The following GLT8D2 variants were observed in gnomAD, a reference collection of about 807,000 sequenced individuals.
GLT8D2 encodes the protein glycosyltransferase 8 domain-containing protein 2.
In GLT8D2, 45 loss-of-function variants were observed where a neutral mutation model predicts 44.5. That is an observed-to-expected ratio of 1.01 (90% CI 0.80 to 1.30). GLT8D2 has a LOEUF of 1.30. GLT8D2 is among the 50% of genes most tolerant of loss of function. The pLI, the probability that GLT8D2 is intolerant of heterozygous loss-of-function variation, is 0.00. For synonymous variants in GLT8D2, 156 were observed against 157.2 expected (o/e 0.99, Z 0.06); for missense variants, 400 against 430.4 (o/e 0.93, Z 0.62).
Position 103,993,618 on chromosome 12 carries a change from T to TA in GLT8D2, c.768-115dup. 4 of 658,110 alleles carry TA rather than the reference T, an allele frequency of 6.1e-6. No homozygotes were observed. In the South Asian group the frequency reaches 8.7e-5, roughly 14 times the overall value. 40.8% of individuals were successfully genotyped at this position (658,110 alleles called of 1,614,324 possible). ...CATTATCTCACTATGTACTAAGACT[T>TA]ATGGCCTTTCATTCTCCCCCAAATT... On this transcript the variant is annotated intron_variant, in intron 9 of 10. Transcript: ENST00000360814.
chr12:104,048,700 G>A (rs1383658403), intron 1 of GLT8D2, among the ~76,000 whole-genome samples: 3 of 152,204 alleles, frequency 2.0e-5, no homozygotes, highest in Non-Finnish European at 2.9e-5. Context: ...CCACTGGACT[G>A]TCAGAGGGAA....
intron 10 of GLT8D2, among the ~76,000 whole-genome samples, chr12:103,992,178 A>C (rs1248294802): frequency 6.6e-6 from 1 of 152,204 alleles, no homozygotes; most frequent in African/African-American, 2.4e-5. Flanking sequence ...TGTGTCCTCT[A>C]TGCTAGGCTC....
chr12:103,996,181 T>C (rs1873391193), intron 8 of GLT8D2, among the ~76,000 whole-genome samples: 1 of 152,210 alleles, frequency 6.6e-6, no homozygotes, highest in South Asian at 2.1e-4. Context: ...AGCTACCCCT[T>C]CGGTTTCAGC....
chr12:104,049,990 C>T lies in GLT8D2; in HGVS notation c.-259G>A, dbSNP rs909388839. The T allele has an allele frequency of 6.6e-6, 1 of 152,530 alleles. No homozygotes were observed. Among genetic ancestry groups the T allele is most frequent in the East Asian group, 1.9e-4 (1 of 5,214 alleles). 9.4% of individuals were successfully genotyped at this position (152,530 alleles called of 1,614,324 possible). A position where few individuals can be genotyped will look rare whatever the true frequency, so the allele number is the denominator to read the frequency against. On this transcript the variant is annotated 5_prime_UTR_variant, in exon 1 of 11. Coordinates refer to ENST00000360814, the MANE Select transcript of GLT8D2 (RefSeq NM_001384711.1). The stretch of plus-strand genomic sequence containing the variant: ...GTGGCTGGCCCTGGGCTGCCGCCCT[C>T]ACGCTGCTTCGGCTGCTTCTAAGAT...
intron 5 of GLT8D2, among the ~76,000 whole-genome samples, chr12:104,001,320 A>C (rs568464905): frequency 2.0e-5 from 3 of 152,246 alleles, no homozygotes; most frequent in Admixed American, 2.0e-4. Context: ...ACTAATTCAC[A>C]TAATGCTGAA....
chr12:104,006,326 T>C (rs1329701881), intron 4 of GLT8D2, among the ~76,000 whole-genome samples: 2 of 152,116 alleles, frequency 1.3e-5, no homozygotes, highest in East Asian at 3.9e-4. Context: ...TGTATACATA[T>C]GTAACAAACC....
rs116445781 is a variant in GLT8D2, at chr12:104,063,043, A to G, written c.-423+906T>C. 2.2e-3 allele frequency among the ~76,000 whole-genome samples: 337 copies of G among 152,204 alleles called. 3 individuals carry two copies. Among genetic ancestry groups the G allele is most frequent in the African/African-American group, 7.0e-3 (289 of 41,526 alleles). The stretch of plus-strand genomic sequence containing the variant: ...TGAGAATCTTATGCCTGATGATCTG[A>G]GGTGGAACAGTTTCATGCCAAAACC... On this transcript the variant is annotated intron_variant, in intron 1 of 10. Transcript: ENST00000548660.
upstream of GLT8D2, among the ~76,000 whole-genome samples, chr12:104,053,824 C>T (rs1881929691): frequency 6.6e-6 from 1 of 151,436 alleles, no homozygotes; most frequent in African/African-American, 2.4e-5. Flanking sequence ...GCGGAGTTTG[C>T]AGTGAGCTGA....
rs57178471 is a variant in GLT8D2 at position 103,990,078 on chromosome 12, AATATATAT to A, written c.881-509_881-502del. Among the ~76,000 whole-genome samples, 1,115 of 121,816 alleles carry A rather than the reference AATATATAT, an allele frequency of 9.2e-3. 3 individuals are homozygous for A. Among genetic ancestry groups the A allele is most frequent in the Non-Finnish European group, 0.013 (723 of 56,848 alleles). 79.9% of individuals were successfully genotyped at this position (121,816 alleles called of 152,430 possible). On this transcript the variant is annotated intron_variant, in intron 10 of 10. Coordinates refer to ENST00000360814, the MANE Select transcript of GLT8D2 (RefSeq NM_001384711.1). ...TATGTATGTCTAGTGTATGTGTACA[AATATATAT>A]ATATATATATATATATATATATATA...
Position 104,044,265 on chromosome 12 carries a change from AATGCACAAATTGC to A in GLT8D2, c.-164+5617_-164+5629del, listed in dbSNP as rs1198104029. On this transcript the variant is annotated intron_variant, in intron 1 of 10. Transcript: ENST00000360814. ...TTAGTCAAAAGCCTCTAACCCCAAC[AATGCACAAATTGC>A]ATCCCCTCAGCAATTACCATCTTCC... is the stretch of plus-strand genomic sequence containing the variant. Among the ~76,000 whole-genome samples, 5 of 152,112 alleles carry A rather than the reference AATGCACAAATTGC, an allele frequency of 3.3e-5. No homozygotes were observed. In the East Asian group the frequency reaches 9.7e-4, roughly 29 times the overall value.
At chr12:103,993,284 T>G in intron 10 of GLT8D2, 108 bp downstream of exon 10, 1 of 826,464 alleles carries the variant, frequency 1.2e-6, no homozygotes, top group South Asian at 1.4e-5. Context: ...TGAGCCGAGA[T>G]CACGCCATTG....
chr12:103,993,609 A>G, intron 9 of GLT8D2, 105 bp from the exon 10 acceptor site: 2 of 708,432 alleles, frequency 2.8e-6, no homozygotes, highest in South Asian at 4.0e-5. Context: ...CTCACTATGT[A>G]CTAAGACTTA....
intron 1 of GLT8D2, among the ~76,000 whole-genome samples, chr12:104,045,931 GAAAGAAAA>G (rs1252962168): frequency 3.2e-4 from 44 of 137,160 alleles, no homozygotes; most frequent in African/African-American, 1.0e-3. Flanking sequence ...AAGAAAGAAA[GAAAGAAAA>G]AGAAAGAAAG....
intron 4 of GLT8D2, among the ~76,000 whole-genome samples, chr12:104,006,315 G>A (rs538302052): frequency 2.0e-5 from 3 of 152,074 alleles, no homozygotes; most frequent in Non-Finnish European, 4.4e-5. Context: ...AACATGGCAC[G>A]TGTATACATA....
rs1225459094 is a variant in GLT8D2 at position 104,016,697 on chromosome 12, AAGAAAGGGAGAG to A, written c.20-1604_20-1593del. ...GAGAGAGAAAGAAAAGAAAGAAAGAAAGAAAGGGAGAGAGAAAGAAAGAAAGAAAGAAAGAAA... is the reference window on the plus strand; with the variant it reads ...GAGAGAGAAAGAAAAGAAAGAAAGAAAGAAAGAAAGAAAGAAAGAAAGAAA... On this transcript the variant is annotated intron_variant, in intron 3 of 10. Coordinates refer to ENST00000360814, the MANE Select transcript of GLT8D2 (RefSeq NM_001384711.1). 2.1e-3 allele frequency among the ~76,000 whole-genome samples: 276 copies of A among 132,662 alleles called. 2 individuals are homozygous for A. The highest frequency in any genetic ancestry group is 1.7e-3 in the Admixed American group (20 of 11,682). The allele number at this position is 132,662 out of a possible 152,430, so 87.0% of individuals were successfully genotyped here. A position where few individuals can be genotyped will look rare whatever the true frequency, so the allele number is the denominator to read the frequency against.
intron 10 of GLT8D2, among the ~76,000 whole-genome samples, chr12:103,992,460 T>C (rs1400832440): frequency 6.6e-6 from 1 of 152,094 alleles, no homozygotes; most frequent in Non-Finnish European, 1.5e-5. Flanking sequence ...TTTTGAAGTT[T>C]TGACAGTGAA....
chr12:104,055,761 A>AT (rs1372775227), intron 1 of GLT8D2, among the ~76,000 whole-genome samples: 5 of 152,228 alleles, frequency 3.3e-5, no homozygotes, highest in African/African-American at 1.2e-4. Flanking sequence ...ATTAAAGCTG[A>AT]TAAGTTTGCC....
chr12:104,035,573 T>C (rs965772565), intron 1 of GLT8D2, among the ~76,000 whole-genome samples: 2 of 152,008 alleles, frequency 1.3e-5, no homozygotes, highest in Non-Finnish European at 2.9e-5. Flanking sequence ...GTATCAGCAA[T>C]TGGAGATCAA....
chr12:104,009,265 C>T (rs1420417729), intron 4 of GLT8D2, among the ~76,000 whole-genome samples: 1 of 152,212 alleles, frequency 6.6e-6, no homozygotes, highest in Non-Finnish European at 1.5e-5. Context: ...CCATGGGAAC[C>T]CACGTCTTGC....
Sources: allele counts gnomAD v4.1 joint callset (sites outside exome capture counted in the v4.1 genomes callset), GRCh38; gene constraint gnomAD v4.1.1; transcripts MANE v1.5; gene names NCBI Gene and HGNC (gene_info 2026-07-23, HGNC 2026-07-21).